Variants in DOCK7 observed in about 807,000 individuals in gnomAD.
DOCK7 encodes dedicator of cytokinesis 7.
A neutral mutation model predicts 271.0 loss-of-function variants in DOCK7; 138 were observed. The observed-to-expected ratio is 0.51, with a 90% CI of 0.44 to 0.59. The LOEUF is 0.59. Ranked by LOEUF, DOCK7 falls within the 20% of genes least tolerant of loss-of-function variation. The pLI, the probability that DOCK7 is intolerant of heterozygous loss-of-function variation, is 0.00. For synonymous variants in DOCK7, 823 were observed against 876.1 expected (o/e 0.94, Z 1.07); for missense variants, 2,066 against 2,592.4 (o/e 0.80, Z 4.41).
rs943920038 is a variant in DOCK7 at position 62,625,317 on chromosome 1, G to A, written c.1367C>T (p.Ala456Val). 1 of 1,613,814 alleles carries A rather than the reference G, an allele frequency of 6.2e-7. No homozygotes were observed. Among genetic ancestry groups the A allele is most frequent in the African/African-American group, 1.3e-5 (1 of 74,904 alleles). Residue 456 changes from alanine (A) to valine (V), a missense_variant, in exon 12 of 50, where the codon GCT becomes GTT. Coordinates refer to ENST00000635253, the MANE Select transcript of DOCK7 (RefSeq NM_001367561.1). ...TGGTCGAAAGCTCGTCAAGTTACAAGCATCATCTCCACTTGTTGTCCTTTC... is the reference window on the plus strand; with the variant it reads ...TGGTCGAAAGCTCGTCAAGTTACAAACATCATCTCCACTTGTTGTCCTTTC... Reference protein sequence around the residue: ...SLERTTSGDDACNLTSFRPAT... With the variant: ...SLERTTSGDDVCNLTSFRPAT...
chr1:62,479,365 G>T (rs529623177), intron 43 of DOCK7, among the ~76,000 whole-genome samples: 111 of 152,194 alleles, frequency 7.3e-4, no homozygotes, highest in African/African-American at 2.6e-3. Context: ...TGGAGCTAAA[G>T]AAAGTTGAGG....
At chr1:62,678,872 T>C (rs1660811412) in intron 1 of DOCK7, among the ~76,000 whole-genome samples, 1 of 152,158 alleles carries the variant, frequency 6.6e-6, no homozygotes, top group African/African-American at 2.4e-5. Flanking sequence ...ATAATTTCAA[T>C]GTACATTTTA....
intron 7 of DOCK7, among the ~76,000 whole-genome samples, chr1:62,644,933 TTC>T (rs1219185662): frequency 6.6e-6 from 1 of 152,178 alleles, no homozygotes; most frequent in East Asian, 1.9e-4. Flanking sequence ...TATATTTTAT[TTC>T]TCTGAGAGAA....
intron 17 of DOCK7, among the ~76,000 whole-genome samples, chr1:62,577,636 A>C (rs1241222490): frequency 1.3e-5 from 2 of 152,218 alleles, no homozygotes; most frequent in African/African-American, 4.8e-5. Flanking sequence ...TGGTCTTAGA[A>C]AAAAGCCATG....
chr1:62,688,150 T>G, intron 1 of DOCK7, 77 bp downstream of exon 1: 1 of 1,236,092 alleles, frequency 8.1e-7, no homozygotes, highest in South Asian at 2.8e-5. Context: ...CCCACCCGCC[T>G]CCTAGGCCAG....
intron 14 of DOCK7, among the ~76,000 whole-genome samples, chr1:62,614,477 C>T (rs1652200242): frequency 6.6e-6 from 1 of 151,920 alleles, no homozygotes; most frequent in Non-Finnish European, 1.5e-5. Context: ...TAATACAAAG[C>T]AGGCCAATAT....
At chr1:62,461,783 A>T (rs1645536466) in intron 48 of DOCK7, among the ~76,000 whole-genome samples, 1 of 152,028 alleles carries the variant, frequency 6.6e-6, no homozygotes, top group Non-Finnish European at 1.5e-5. Flanking sequence ...TTGAAAGATA[A>T]CATTAAGGCC....
At chr1:62,503,074 T>C (rs1220529785) in intron 37 of DOCK7, among the ~76,000 whole-genome samples, 2 of 152,152 alleles carry the variant, frequency 1.3e-5, no homozygotes, top group African/African-American at 2.4e-5. Flanking sequence ...GACGAGTTCT[T>C]TTAAATTCCA....
chr1:62,532,219 G>C (rs1645196097), intron 29 of DOCK7, among the ~76,000 whole-genome samples: 1 of 152,064 alleles, frequency 6.6e-6, no homozygotes, highest in African/African-American at 2.4e-5. Context: ...ATTTTTAGTA[G>C]AGATGGGGTT....
chr1:62,675,621 A>G (rs1204356161), intron 1 of DOCK7, among the ~76,000 whole-genome samples: 1 of 151,946 alleles, frequency 6.6e-6, no homozygotes, highest in East Asian at 1.9e-4. Context: ...TCTCTACTAA[A>G]AATACAAAAA....
chr1:62,578,921 A>C lies in DOCK7; in HGVS notation c.1917T>G (p.Thr639=). The change falls in exon 17 of 50, where the codon ACT becomes ACG. Residue 639 remains threonine (T), a synonymous_variant. Coordinates refer to ENST00000635253, the MANE Select transcript of DOCK7 (RefSeq NM_001367561.1). The stretch of plus-strand genomic sequence containing the variant: ...AAAGCAAGTGATGATGGTCAGTTAA[A>C]GTAGCAGGAAGCTTAACCTTGATTT... The part of the protein sequence containing the change: ...HEEIKVKLPA[T]LTDHHHLLFT... 6.2e-7 allele frequency: 1 copy of C among 1,606,504 alleles called. No homozygotes were observed. The highest frequency in any genetic ancestry group is 1.1e-5 in the South Asian group (1 of 89,288).
At chr1:62,625,807 C>T (rs765095700) in intron 11 of DOCK7, among the ~76,000 whole-genome samples, 3 of 152,034 alleles carry the variant, frequency 2.0e-5, no homozygotes, top group Non-Finnish European at 4.4e-5. Flanking sequence ...CAAGATAATC[C>T]TATTATTTAA....
intron 37 of DOCK7, among the ~76,000 whole-genome samples, chr1:62,496,772 T>C (rs1002806427): frequency 6.6e-6 from 1 of 152,184 alleles, no homozygotes; most frequent in Non-Finnish European, 1.5e-5. Flanking sequence ...TTATTTATTA[T>C]GGGCATATGT....
At chr1:62,544,803 T>C in intron 23 of DOCK7, 144 bp downstream of exon 23, 2 of 578,348 alleles carry the variant, frequency 3.5e-6, no homozygotes, top group Non-Finnish European at 6.0e-6. Context: ...GCATAGTAGT[T>C]GGAAAATGTG....
chr1:62,462,232 T>C (rs1645551296), intron 48 of DOCK7, among the ~76,000 whole-genome samples: 1 of 152,174 alleles, frequency 6.6e-6, no homozygotes, highest in Non-Finnish European at 1.5e-5. Context: ...CTGATGTCAA[T>C]TCTCTTCCAA....
At chr1:62,586,666 A>G in intron 14 of DOCK7, 42 bp from the exon 15 acceptor site, 1 of 1,241,840 alleles carries the variant, frequency 8.1e-7, no homozygotes, top group Non-Finnish European at 1.2e-6. Context: ...TACATATCTA[A>G]GAAACACTAT....
intron 48 of DOCK7, among the ~76,000 whole-genome samples, chr1:62,459,832 G>T (rs572734120): frequency 6.6e-6 from 1 of 152,082 alleles, no homozygotes; most frequent in African/African-American, 2.4e-5. Context: ...GGGTGCAGTG[G>T]CTCATGTCTG....
At chr1:62,504,431 A>G (rs1032658554) in intron 37 of DOCK7, among the ~76,000 whole-genome samples, 199 bp downstream of exon 37, 4 of 152,162 alleles carry the variant, frequency 2.6e-5, no homozygotes, top group South Asian at 2.1e-4. Flanking sequence ...ACATACATAC[A>G]TACGTACACA....
chr1:62,510,079 A>G (rs1557645561), intron 34 of DOCK7, among the ~76,000 whole-genome samples: 1 of 152,222 alleles, frequency 6.6e-6, no homozygotes, highest in Non-Finnish European at 1.5e-5. Flanking sequence ...AGAAAAGTTT[A>G]CCTGCAGCCA....
Sources: allele counts gnomAD v4.1 joint callset (sites outside exome capture counted in the v4.1 genomes callset), GRCh38; gene constraint gnomAD v4.1.1; transcripts MANE v1.5; gene names NCBI Gene and HGNC (gene_info 2026-07-23, HGNC 2026-07-21).